The following GALNT14 variants were observed in gnomAD, a reference collection of about 807,000 sequenced individuals.
The protein encoded by GALNT14 is UDP-GalNAc:polypeptide N-acetylgalactosaminyltransferase 14.
In GALNT14, 60 loss-of-function variants were observed where a neutral mutation model predicts 77.5. That is an observed-to-expected ratio of 0.77 (90% CI 0.63 to 0.96). The LOEUF is 0.96. Ranked by LOEUF, GALNT14 falls within the 40% of genes least tolerant of loss-of-function variation. The pLI, the probability that GALNT14 is intolerant of heterozygous loss-of-function variation, is 0.00. For missense variants in GALNT14, 710 were observed against 731.0 expected (o/e 0.97, Z 0.33); for synonymous variants, 280 against 281.7 (o/e 0.99, Z 0.06).
At chr2:31,051,306 C>T (rs1037004617) in intron 1 of GALNT14, among the ~76,000 whole-genome samples, 4 of 152,200 alleles carry the variant, frequency 2.6e-5, no homozygotes, top group African/African-American at 9.7e-5. Context: ...GCTGTGAAGG[C>T]ATTCTTAGTT....
At chr2:30,924,411 C>T (rs1665231889) in intron 12 of GALNT14, 148 bp from the exon 13 acceptor site, 1 of 814,898 alleles carries the variant, frequency 1.2e-6, no homozygotes, top group African/African-American at 1.7e-5. Flanking sequence ...CAGGGTGCCA[C>T]TAAGAATGAG....
intron 1 of GALNT14, among the ~76,000 whole-genome samples, chr2:31,033,005 A>G (rs563715686): frequency 6.6e-6 from 1 of 152,270 alleles, no homozygotes; most frequent in East Asian, 1.9e-4. Context: ...TCATCAGTGA[A>G]CATCCTAGGG....
chr2:31,030,299 GA>G (rs1672328295), intron 1 of GALNT14, among the ~76,000 whole-genome samples: 2 of 151,958 alleles, frequency 1.3e-5, no homozygotes, highest in South Asian at 4.2e-4. Flanking sequence ...TCCTCTCGTG[GA>G]AATCACACAA....
chr2:31,026,976 C>CT (rs1265040479), intron 1 of GALNT14, among the ~76,000 whole-genome samples: 2 of 152,170 alleles, frequency 1.3e-5, no homozygotes, highest in African/African-American at 2.4e-5. Context: ...AATGAAACTC[C>CT]TTTTTTACCT....
intron 7 of GALNT14, among the ~76,000 whole-genome samples, 159 bp from the exon 8 acceptor site, chr2:30,945,101 A>G (rs993895747): frequency 6.6e-6 from 1 of 152,224 alleles, no homozygotes; most frequent in Non-Finnish European, 1.5e-5. Context: ...GATCAGCAGC[A>G]TGGCTGCCAA....
chr2:30,928,443 C>A (rs148980604), intron 11 of GALNT14, among the ~76,000 whole-genome samples: 273 of 152,174 alleles, frequency 1.8e-3, no homozygotes, highest in African/African-American at 6.1e-3. Flanking sequence ...GTGGTTTGAG[C>A]CACCATCCCC....
chr2:30,980,547 G>C (rs1668922564), intron 2 of GALNT14, among the ~76,000 whole-genome samples: 1 of 152,204 alleles, frequency 6.6e-6, no homozygotes, highest in African/African-American at 2.4e-5. Context: ...CCATTTTACA[G>C]ATGAAGAAAT....
At chr2:31,137,193 G>C (rs1339936012) in intron 1 of GALNT14, among the ~76,000 whole-genome samples, 3 of 152,160 alleles carry the variant, frequency 2.0e-5, no homozygotes, top group Non-Finnish European at 4.4e-5. Context: ...GTGAACCTTC[G>C]GAGAGCCATG....
chr2:30,999,562 A>G (rs746171792), intron 1 of GALNT14, among the ~76,000 whole-genome samples: 4 of 152,354 alleles, frequency 2.6e-5, no homozygotes, highest in South Asian at 4.1e-4. Flanking sequence ...GGGTTCATCA[A>G]GGAATTCAAA....
At chr2:30,933,508 C>T (rs910365704) in intron 9 of GALNT14, among the ~76,000 whole-genome samples, 9 of 152,178 alleles carry the variant, frequency 5.9e-5, no homozygotes, top group Non-Finnish European at 1.0e-4. Context: ...TCTCCTCCCA[C>T]GTTTCCTTGG....
intron 1 of GALNT14, among the ~76,000 whole-genome samples, chr2:31,057,385 T>C (rs972556885): frequency 4.2e-5 from 6 of 143,026 alleles, no homozygotes; most frequent in Non-Finnish European, 6.0e-5. Context: ...TATATATATA[T>C]ATATATATAC....
At chr2:31,066,351 G>T (rs921598482) in intron 1 of GALNT14, among the ~76,000 whole-genome samples, 3 of 142,352 alleles carry the variant, frequency 2.1e-5, no homozygotes, top group Non-Finnish European at 4.6e-5. Flanking sequence ...GCTGGGCCTC[G>T]ACAGGGCCAT....
intron 2 of GALNT14, among the ~76,000 whole-genome samples, chr2:30,987,289 C>T (rs1054850772): frequency 6.6e-5 from 10 of 152,136 alleles, no homozygotes; most frequent in African/African-American, 2.2e-4. Flanking sequence ...GGGAAGGTTG[C>T]TAAGCCCAAG....
chr2:31,117,002 A>G (rs1341326787), intron 1 of GALNT14, among the ~76,000 whole-genome samples: 4 of 152,100 alleles, frequency 2.6e-5, no homozygotes, highest in African/African-American at 9.7e-5. Context: ...ACGCCATTGC[A>G]CTCCAGCCTG....
intron 2 of GALNT14, among the ~76,000 whole-genome samples, chr2:30,981,692 T>C (rs564520558): frequency 5.9e-5 from 9 of 152,296 alleles, no homozygotes; most frequent in Admixed American, 2.6e-4. Context: ...GAGGGCTTCA[T>C]GTTTCTGGAA....
rs143133979 is a variant in GALNT14 at position 31,098,305 on chromosome 2, C to T, written c.129+39653G>A. On this transcript the variant is annotated intron_variant, in intron 1 of 14. Coordinates refer to ENST00000349752, the MANE Select transcript of GALNT14 (RefSeq NM_024572.4). ...GCCTCTATCCTTCATGGCTTATTAG[C>T]GGGGGAAAGCCTTTGGGCAATTTCA... 2.1e-3 allele frequency among the ~76,000 whole-genome samples: 314 copies of T among 152,186 alleles called. 3 individuals carry two copies. The highest frequency in any genetic ancestry group is 2.0e-3 in the Non-Finnish European group (138 of 67,994).
intron 4 of GALNT14, among the ~76,000 whole-genome samples, chr2:30,956,402 G>T (rs1027748847): frequency 6.6e-6 from 1 of 152,136 alleles, no homozygotes; most frequent in Non-Finnish European, 1.5e-5. Context: ...ATGGGGCACA[G>T]GAAATGTTTT....
chr2:31,026,548 A>G (rs1287031377), intron 1 of GALNT14, among the ~76,000 whole-genome samples: 1 of 152,206 alleles, frequency 6.6e-6, no homozygotes, highest in East Asian at 1.9e-4. Flanking sequence ...TCACCCTGGC[A>G]GCCACATGAA....
At chr2:31,073,255 T>C (rs1416927080) in intron 1 of GALNT14, 2 of 152,248 alleles carry the variant, frequency 1.3e-5, no homozygotes, top group Non-Finnish European at 2.9e-5. Flanking sequence ...CTTTGCCCTA[T>C]GCCTGGCATA....
Sources: allele counts gnomAD v4.1 joint callset (sites outside exome capture counted in the v4.1 genomes callset), GRCh38; gene constraint gnomAD v4.1.1; transcripts MANE v1.5; gene names NCBI Gene and HGNC (gene_info 2026-07-23, HGNC 2026-07-21).